C4orf17: variants seen among roughly 807,000 people sequenced by gnomAD.
C4orf17 encodes the protein uncharacterized protein C4orf17.
C4orf17 carries 25 observed loss-of-function variants against 32.0 expected under a neutral mutation model. The ratio of observed to expected loss-of-function variants is 0.78; its 90% CI spans 0.57 to 1.09. The LOEUF is 1.09. Among genes scored for constraint, C4orf17 ranks in the 50% least tolerant of loss-of-function variants. The probability of loss-of-function intolerance (pLI) is 0.00; values close to 1 mark genes in which losing one functional copy is unlikely to be tolerated. For synonymous variants in C4orf17, 149 were observed against 145.8 expected (o/e 1.02, Z -0.16); for missense variants, 420 against 420.0 (o/e 1.00, Z 0.00).
At chr4:99,518,852 T>C (rs1723240984) in intron 2 of C4orf17, among the ~76,000 whole-genome samples, 1 of 152,056 alleles carries the variant, frequency 6.6e-6, no homozygotes, top group African/African-American at 2.4e-5. Flanking sequence ...CCCTCATTAT[T>C]TGTGGTTCCT....
rs1429281827 is a variant in C4orf17 at position 99,529,812 on chromosome 4, T to C, written c.403-3T>C. On this transcript the variant is annotated splice_region_variant and splice_polypyrimidine_tract_variant and intron_variant, in intron 4 of 8. Transcript: ENST00000326581. Reference sequence around the variant, plus strand: ...TATTGGTTATATTATACTTTTGATTTAGGAAGAAATTAAGGCCAAAAGACC... The same window carrying C: ...TATTGGTTATATTATACTTTTGATTCAGGAAGAAATTAAGGCCAAAAGACC... 5 of 1,602,248 alleles carry C rather than the reference T, an allele frequency of 3.1e-6. No homozygotes were observed. In the South Asian group the frequency reaches 5.6e-5, roughly 18 times the overall value.
intron 3 of C4orf17, among the ~76,000 whole-genome samples, chr4:99,523,384 T>C (rs1315045476): frequency 6.6e-6 from 1 of 152,254 alleles, no homozygotes; most frequent in East Asian, 1.9e-4. Flanking sequence ...AAAATTATTA[T>C]GGCATAATGT....
Position 99,539,158 on chromosome 4 carries a change from A to G in C4orf17, c.629-5A>G, listed in dbSNP as rs200865620. The stretch of plus-strand genomic sequence containing the variant: ...CCTCCCACCCTTTTTTGTCTTTTAA[A>G]CCAGAAAAAGAGTGGGTCTCAGCTT... On this transcript the variant is annotated splice_region_variant and splice_polypyrimidine_tract_variant and intron_variant, in intron 6 of 8. Coordinates refer to ENST00000326581, the MANE Select transcript of C4orf17 (RefSeq NM_032149.3). 2 of 1,613,002 alleles carry G rather than the reference A, an allele frequency of 1.2e-6. No homozygotes were observed. The highest frequency in any genetic ancestry group is 2.2e-5 in the East Asian group (1 of 44,882).
chr4:99,526,339 A>T (rs1723387430), intron 4 of C4orf17, among the ~76,000 whole-genome samples: 1 of 152,220 alleles, frequency 6.6e-6, no homozygotes, highest in Non-Finnish European at 1.5e-5. Flanking sequence ...ATATCCAGTA[A>T]AAACCTCACT....
chr4:99,522,031 C>T (rs1250155033), intron 2 of C4orf17, among the ~76,000 whole-genome samples: 2 of 152,182 alleles, frequency 1.3e-5, no homozygotes, highest in South Asian at 4.1e-4. Flanking sequence ...CACCTTTTTA[C>T]CTCTGCCAGG....
Position 99,522,576 on chromosome 4 carries a change from T to TCC in C4orf17, c.204_205insCC (p.Asn69ProfsTer4). ...GAACATTGTGGGGAGTTGGCCAGTC[T>TCC]AACTACTTAGAGAAGAACAGGATAC... On this transcript the variant is annotated frameshift_variant, in exon 3 of 9. Coordinates refer to ENST00000326581, the MANE Select transcript of C4orf17 (RefSeq NM_032149.3). LOFTEE classifies it high-confidence loss of function. 6.2e-7 allele frequency: 1 copy of TCC among 1,613,996 alleles called. No homozygotes were observed. The highest frequency in any genetic ancestry group is 8.5e-7 in the Non-Finnish European group (1 of 1,179,912).
chr4:99,511,954 G>T (rs1723100301), intron 1 of C4orf17, among the ~76,000 whole-genome samples: 1 of 152,104 alleles, frequency 6.6e-6, no homozygotes, highest in African/African-American at 2.4e-5. Context: ...CTGAAAACCA[G>T]ATATTCTGTG....
At chr4:99,522,459 G>T in intron 2 of C4orf17, 41 bp from the exon 3 acceptor site, 6 of 1,476,328 alleles carry the variant, frequency 4.1e-6, no homozygotes, top group Non-Finnish European at 5.6e-6. Context: ...ATCTAATCTG[G>T]TTGCTTGATC....
At chr4:99,515,545 G>T (rs1167535280) in intron 2 of C4orf17, among the ~76,000 whole-genome samples, 3 of 152,038 alleles carry the variant, frequency 2.0e-5, no homozygotes, top group African/African-American at 7.2e-5. Flanking sequence ...GGGCCATTCA[G>T]AGGGTGGAGA....
chr4:99,535,752 C>T (rs905850599), intron 5 of C4orf17, among the ~76,000 whole-genome samples: 3 of 152,182 alleles, frequency 2.0e-5, no homozygotes, highest in Non-Finnish European at 4.4e-5. Flanking sequence ...CCATCTCAGC[C>T]TCAGCCCAGT....
intron 2 of C4orf17, among the ~76,000 whole-genome samples, chr4:99,518,538 TATATATAG>T (rs1179194975): frequency 8.3e-5 from 6 of 72,270 alleles, no homozygotes; most frequent in South Asian, 5.2e-4. Context: ...TATATATATA[TATATATAG>T]AGAGAGAGAG....
At chr4:99,518,367 T>C (rs1723221204) in intron 2 of C4orf17, among the ~76,000 whole-genome samples, 1 of 150,334 alleles carries the variant, frequency 6.7e-6, no homozygotes, top group East Asian at 2.0e-4. Context: ...GTACCTGTAG[T>C]TCTAGCTACT....
intron 8 of C4orf17, chr4:99,541,120 G>C (rs1723645686): frequency 6.6e-6 from 1 of 152,196 alleles, no homozygotes; most frequent in Non-Finnish European, 1.5e-5. Flanking sequence ...AATGTGTCTT[G>C]TCATTTCTAC....
chr4:99,533,784 C>T (rs1346387232), intron 5 of C4orf17, among the ~76,000 whole-genome samples: 1 of 147,074 alleles, frequency 6.8e-6, no homozygotes, highest in African/African-American at 2.6e-5. Flanking sequence ...CTTGAAAAGA[C>T]CTTGCCAGAG....
chr4:99,518,508 A>ATATATATAT (rs1723225683), intron 2 of C4orf17, among the ~76,000 whole-genome samples: 1 of 70,642 alleles, frequency 1.4e-5, no homozygotes, highest in African/African-American at 8.8e-5. Flanking sequence ...AAAAAAAAAA[A>ATATATATAT]AAAAAAAAAA....
At chr4:99,513,889 T>C (rs1723135756) in intron 2 of C4orf17, among the ~76,000 whole-genome samples, 1 of 152,152 alleles carries the variant, frequency 6.6e-6, no homozygotes, top group Non-Finnish European at 1.5e-5. Context: ...AGAAAAGGGT[T>C]CTGATGTTTT....
intron 6 of C4orf17, among the ~76,000 whole-genome samples, chr4:99,538,363 A>C (rs1723593981): frequency 6.6e-6 from 1 of 152,192 alleles, no homozygotes; most frequent in Non-Finnish European, 1.5e-5. Context: ...CTGCAGTGGG[A>C]CTTGAGAATT....
At chr4:99,514,435 G>T (rs57994518) in intron 2 of C4orf17, among the ~76,000 whole-genome samples, 9,490 of 151,974 alleles carry the variant, frequency 0.062, 685 homozygotes, top group African/African-American at 0.16. Flanking sequence ...CCATCAAAAA[G>T]TGGGCAAGTA....
rs909693301 is a variant in C4orf17, at chr4:99,513,265, A to T, written c.127+57A>T. 4 of 1,599,718 alleles carry T rather than the reference A, an allele frequency of 2.5e-6. No homozygotes were observed. In the Admixed American group the frequency reaches 5.0e-5, roughly 20 times the overall value. ...CTATTCTCTACACTTGGGCTATTTG[A>T]TAATTCTGGCAGGTAAACACAACGC... On this transcript the variant is annotated intron_variant, in intron 2 of 8. Coordinates refer to ENST00000326581, the MANE Select transcript of C4orf17 (RefSeq NM_032149.3).
Sources: gnomAD v4.1 joint callset for allele counts (sites outside exome capture counted in the v4.1 genomes callset) on GRCh38, gnomAD v4.1.1 for gene constraint, MANE v1.5 for transcripts, NCBI Gene and HGNC (gene_info 2026-07-23, HGNC 2026-07-21) for gene names.